VEZF1: variants seen among roughly 807,000 people sequenced by gnomAD.
VEZF1 encodes the protein putative transcription factor DB1.
In VEZF1, 5 loss-of-function variants were observed where a neutral mutation model predicts 44.1. The ratio of observed to expected loss-of-function variants is 0.11; its 90% CI spans 0.06 to 0.24. The LOEUF (loss-of-function observed/expected upper bound fraction) is 0.24, where lower values mean the gene tolerates loss of function less well. Among genes scored for constraint, VEZF1 ranks in the 10% least tolerant of loss-of-function variants. VEZF1 has a pLI of 1.00. For synonymous variants in VEZF1, 236 were observed against 233.1 expected (o/e 1.01, Z -0.11); for missense variants, 358 against 641.8 (o/e 0.56, Z 4.78).
intron 1 of VEZF1, among the ~76,000 whole-genome samples, chr17:57,987,828 T>TGC (rs904425157): frequency 6.6e-6 from 1 of 151,654 alleles, no homozygotes; most frequent in Non-Finnish European, 1.5e-5. Context: ...TGTGTGTGTG[T>TGC]GCGTGTGTGT....
intron 3 of VEZF1, 103 bp downstream of exon 3, chr17:57,981,770 G>A (rs1317179975): frequency 3.7e-6 from 4 of 1,074,296 alleles, no homozygotes; most frequent in Non-Finnish European, 5.5e-6. Flanking sequence ...ACTCAGGTCA[G>A]TGATTTTAAG....
At chr17:57,982,570 C>G in intron 2 of VEZF1, 129 bp downstream of exon 2, 1 of 880,438 alleles carries the variant, frequency 1.1e-6, no homozygotes, top group South Asian at 1.8e-5. Context: ...TTATCTATCA[C>G]CAATCTCCTC....
chr17:57,982,158 C>T (rs2075254922), intron 2 of VEZF1, among the ~76,000 whole-genome samples: 1 of 152,166 alleles, frequency 6.6e-6, no homozygotes, highest in Non-Finnish European at 1.5e-5. Context: ...AACATCAAAT[C>T]ATATTAGGTC....
At chr17:57,984,229 G>T (rs1435710465) in intron 1 of VEZF1, among the ~76,000 whole-genome samples, 2 of 152,118 alleles carry the variant, frequency 1.3e-5, no homozygotes, top group African/African-American at 4.8e-5. Flanking sequence ...TAAAGTATTA[G>T]ACATTTGCTC....
chr17:57,985,961 A>G (rs2075289576), intron 1 of VEZF1: 1 of 152,118 alleles, frequency 6.6e-6, no homozygotes, highest in Non-Finnish European at 1.5e-5. Context: ...ACTTAAAACC[A>G]GAACTGATTA....
chr17:57,973,035 A>AT lies in VEZF1; in HGVS notation c.*1437_*1438insA. 6.6e-6 allele frequency: 1 copy of AT among 152,418 alleles called. No individual in the cohort carries two copies. Among genetic ancestry groups the AT allele is most frequent in the South Asian group, 2.1e-4 (1 of 4,828 alleles). The allele number at this position is 152,418 out of a possible 1,614,324, so 9.4% of individuals were successfully genotyped here. A position where few individuals can be genotyped will look rare whatever the true frequency, so the allele number is the denominator to read the frequency against. On this transcript the variant is annotated 3_prime_UTR_variant, in exon 6 of 6. Coordinates refer to ENST00000581208, the MANE Select transcript of VEZF1 (RefSeq NM_007146.3). ...CTGCAATGATTAAAAAATGAAAAAA[A>AT]CCAAAAACATATTGCAACTTAAAAA...
rs368242159 is a variant in VEZF1, at chr17:57,974,467, T to C, written c.*6A>G. On this transcript the variant is annotated 3_prime_UTR_variant, in exon 6 of 6. Coordinates refer to ENST00000581208, the MANE Select transcript of VEZF1 (RefSeq NM_007146.3). Reference sequence around the variant, plus strand: ...TTTTACCCATATTTTGATTTTATAATACTGTTTACCAAGGCGGTGATGTAG... The same window carrying C: ...TTTTACCCATATTTTGATTTTATAACACTGTTTACCAAGGCGGTGATGTAG... The C allele has an allele frequency of 7.5e-6, 12 of 1,609,042 alleles. No individual in the cohort carries two copies. The African/African-American group carries it at 1.1e-4, about 14-fold the overall frequency.
At chr17:57,983,982 G>T (rs903794057) in intron 1 of VEZF1, among the ~76,000 whole-genome samples, 2 of 152,184 alleles carry the variant, frequency 1.3e-5, no homozygotes, top group Non-Finnish European at 2.9e-5. Flanking sequence ...CTACTAAAAG[G>T]TTTGGTTGAA....
At position 57,974,811 on chromosome 17, in the gene VEZF1, C is replaced by T. The variant is rs1209000544; in HGVS notation, c.1228G>A (p.Gly410Arg). ...PFSITSSVSS[G>R]TMSNPVTVAA... ...ACTGTGACTGGGTTTGACATAGTCC[C>T]AGACGACACAGAGGATGTTATACTG... The change falls in exon 6 of 6, where the codon GGG (glycine) becomes AGG (arginine). Residue 410 changes from glycine to arginine, a missense_variant. By Grantham distance (125) the Gly-to-Arg change is moderately radical (BLOSUM62 -2). This residue lies in a region of VEZF1 where 171 missense variants were observed against 272.4 expected (regional missense o/e 0.63). Coordinates refer to ENST00000581208, the MANE Select transcript of VEZF1 (RefSeq NM_007146.3). 6.2e-7 allele frequency: 1 copy of T among 1,614,040 alleles called. No homozygotes were observed. The highest frequency in any genetic ancestry group is 8.5e-7 in the Non-Finnish European group (1 of 1,180,028).
rs749512061 is a variant in VEZF1, at chr17:57,982,655, T to C, written c.728+44A>G. On this transcript the variant is annotated intron_variant, in intron 2 of 5. Coordinates refer to ENST00000581208, the MANE Select transcript of VEZF1 (RefSeq NM_007146.3). ...ACATGGAGACAAAACTGAAGTACAC[T>C]GATACCATAATGAAGCAAAGCAAAG... 5.2e-6 allele frequency: 8 copies of C among 1,547,502 alleles called. No homozygotes were observed. In the South Asian group the frequency reaches 8.7e-5, roughly 17 times the overall value.
chr17:57,980,293 G>A (rs2075236771), intron 4 of VEZF1, among the ~76,000 whole-genome samples: 1 of 152,158 alleles, frequency 6.6e-6, no homozygotes, highest in South Asian at 2.1e-4. Flanking sequence ...TGAATTTAAG[G>A]CAAGCAAAGC....
chr17:57,987,030 GCCAAACAGGGGTCCC>G (rs2075300735), intron 1 of VEZF1, among the ~76,000 whole-genome samples: 1 of 152,208 alleles, frequency 6.6e-6, no homozygotes, highest in Admixed American at 6.5e-5. Context: ...GCCTAGATCT[GCCAAACAGGGGTCCC>G]CCATCTAAAG....
chr17:57,974,958 A>C, intron 5 of VEZF1, 58 bp from the exon 6 acceptor site: 4 of 1,524,444 alleles, frequency 2.6e-6, no homozygotes, highest in South Asian at 2.5e-5. Flanking sequence ...AAATTCACAA[A>C]GTTTCTGAAT....
At chr17:57,981,329 A>G (rs186577890) in intron 3 of VEZF1, among the ~76,000 whole-genome samples, 1 of 152,322 alleles carries the variant, frequency 6.6e-6, no homozygotes, top group Non-Finnish European at 1.5e-5. Context: ...AAAATTACCA[A>G]TGCCTAAAAC....
At chr17:57,975,861 G>A (rs998884227) in intron 5 of VEZF1, among the ~76,000 whole-genome samples, 4 of 152,116 alleles carry the variant, frequency 2.6e-5, no homozygotes, top group African/African-American at 9.7e-5. Context: ...GCAGTAGCAT[G>A]ATCAAAGCTT....
chr17:57,975,199 G>A (rs999907002), intron 5 of VEZF1, among the ~76,000 whole-genome samples: 2 of 152,216 alleles, frequency 1.3e-5, no homozygotes, highest in African/African-American at 2.4e-5. Flanking sequence ...GTGATGCTGA[G>A]AGGATCAGTT....
intron 2 of VEZF1, among the ~76,000 whole-genome samples, chr17:57,982,397 C>T (rs1051805580): frequency 9.2e-5 from 14 of 152,128 alleles, no homozygotes; most frequent in African/African-American, 3.4e-4. Flanking sequence ...GTCTAGTCCC[C>T]CAACTGAACT....
intron 1 of VEZF1, among the ~76,000 whole-genome samples, chr17:57,987,025 G>C (rs1421066120): frequency 1.3e-5 from 2 of 152,210 alleles, no homozygotes; most frequent in East Asian, 1.9e-4. Context: ...TTCCAGCCTA[G>C]ATCTGCCAAA....
chr17:57,983,596 G>GC lies in VEZF1; in HGVS notation c.34-204dup, dbSNP rs1251184022. Among the ~76,000 whole-genome samples the GC allele has an allele frequency of 2.6e-5, 4 of 152,186 alleles. No individual in the cohort carries two copies. In the East Asian group the frequency reaches 7.7e-4, roughly 29 times the overall value. On this transcript the variant is annotated intron_variant, in intron 1 of 5. Coordinates refer to ENST00000581208, the MANE Select transcript of VEZF1 (RefSeq NM_007146.3). ...ATCACTGTGCAGACACAAAACTTTT[G>GC]CAACTAAGTTGCTGACAGTGATCTT...
Sources: allele counts gnomAD v4.1 joint callset (sites outside exome capture counted in the v4.1 genomes callset), GRCh38; gene constraint gnomAD v4.1.1; regional missense constraint gnomAD v4.1.1; transcripts MANE v1.5; gene names NCBI Gene and HGNC (gene_info 2026-07-23, HGNC 2026-07-21).